Variants in RBFOX1 observed in about 807,000 individuals in gnomAD.
RBFOX1 encodes the protein RNA binding protein fox-1 homolog 1.
Under a neutral mutation model 57.7 loss-of-function variants are expected in RBFOX1, and 8 were observed. The observed-to-expected ratio is 0.14, with a 90% CI of 0.08 to 0.25. The LOEUF (loss-of-function observed/expected upper bound fraction) is 0.25, where lower values mean the gene tolerates loss of function less well. Among genes scored for constraint, RBFOX1 ranks in the 10% least tolerant of loss-of-function variants. The pLI is 1.00. For missense variants in RBFOX1, 611 were observed against 548.5 expected, an observed-to-expected ratio of 1.11 and a Z score of -1.14; for synonymous variants, 326 against 222.4, an observed-to-expected ratio of 1.47 and a Z score of -4.15.
At chr16:6,993,915 T>C (rs1007863375) in intron 3 of RBFOX1, among the ~76,000 whole-genome samples, 4 of 152,148 alleles carry the variant, frequency 2.6e-5, no homozygotes, top group Admixed American at 1.3e-4. Context: ...ATTGTATTGA[T>C]TGTAGCCAAT....
rs192787792 is a variant in RBFOX1, at chr16:6,841,789, C to A, written c.-16+187139C>A. On this transcript the variant is annotated intron_variant, in intron 3 of 15. Transcript: ENST00000550418. ...CAGCTTAAGGGTTCCATTCTCAAGC[C>A]AGTGAACATCACTGTCTTCATGTGA... 3.4e-3 allele frequency among the ~76,000 whole-genome samples: 517 copies of A among 152,198 alleles called. 5 individuals are homozygous for A. Among genetic ancestry groups the A allele is most frequent in the African/African-American group, 0.012 (493 of 41,514 alleles).
At chr16:5,378,937 A>C (rs1380519588) in intron 1 of RBFOX1, among the ~76,000 whole-genome samples, 1 of 151,616 alleles carries the variant, frequency 6.6e-6, no homozygotes, top group African/African-American at 2.4e-5. Context: ...TTCTCCACTG[A>C]AAACCATTCC....
At chr16:7,422,031 C>T (rs2098547683) in intron 4 of RBFOX1, among the ~76,000 whole-genome samples, 1 of 152,082 alleles carries the variant, frequency 6.6e-6, no homozygotes, top group Non-Finnish European at 1.5e-5. Flanking sequence ...ATAAAGGAAA[C>T]ACAGTCTCAG....
At chr16:6,541,762 G>T (rs954039615) in intron 2 of RBFOX1, among the ~76,000 whole-genome samples, 1 of 152,130 alleles carries the variant, frequency 6.6e-6, no homozygotes, top group Non-Finnish European at 1.5e-5. Flanking sequence ...ATAGAGGAAG[G>T]ATACTGGACA....
At chr16:6,832,427 T>C (rs1379392215) in intron 3 of RBFOX1, among the ~76,000 whole-genome samples, 1 of 152,194 alleles carries the variant, frequency 6.6e-6, no homozygotes, top group Admixed American at 6.5e-5. Context: ...TCTGCATTAC[T>C]CATATTTGCG....
At chr16:6,807,912 G>A (rs962947312) in intron 3 of RBFOX1, among the ~76,000 whole-genome samples, 6 of 134,704 alleles carry the variant, frequency 4.5e-5, no homozygotes, top group African/African-American at 1.6e-4. Flanking sequence ...GTGTGTGTGT[G>A]TGTATATATA....
intron 3 of RBFOX1, among the ~76,000 whole-genome samples, chr16:6,672,015 C>T (rs1328791662): frequency 6.6e-6 from 1 of 152,176 alleles, no homozygotes; most frequent in Admixed American, 6.5e-5. Flanking sequence ...TTAACTTATG[C>T]ACTGTACCAA....
intron 2 of RBFOX1, among the ~76,000 whole-genome samples, chr16:6,467,590 T>A (rs1177725603): frequency 6.6e-6 from 1 of 152,118 alleles, no homozygotes; most frequent in Non-Finnish European, 1.5e-5. Context: ...TCCAAGCTTT[T>A]GGAGGAAAAA....
chr16:7,605,558 T>C (rs1219640943), intron 9 of RBFOX1, among the ~76,000 whole-genome samples: 1 of 152,210 alleles, frequency 6.6e-6, no homozygotes, highest in Non-Finnish European at 1.5e-5. Flanking sequence ...GTTCTGGATT[T>C]CGATAGACAT....
At chr16:5,437,978 C>A (rs1441063114) in intron 1 of RBFOX1, among the ~76,000 whole-genome samples, 1 of 152,110 alleles carries the variant, frequency 6.6e-6, no homozygotes, top group Non-Finnish European at 1.5e-5. Flanking sequence ...AAGGATCTGA[C>A]CATGTCTCTG....
chr16:5,620,388 G>C (rs1039458179), intron 3 of RBFOX1, among the ~76,000 whole-genome samples: 2 of 152,292 alleles, frequency 1.3e-5, no homozygotes, highest in Middle Eastern at 3.4e-3. Context: ...GGTTGGCTGA[G>C]TACTTTCTGT....
chr16:6,610,952 T>C (rs931566883), intron 2 of RBFOX1, among the ~76,000 whole-genome samples: 4 of 152,200 alleles, frequency 2.6e-5, no homozygotes, highest in Admixed American at 6.5e-5. Context: ...GATCATAATA[T>C]ACAATCTGCA....
At chr16:6,375,283 G>A (rs1368406766) in intron 2 of RBFOX1, among the ~76,000 whole-genome samples, 2 of 147,774 alleles carry the variant, frequency 1.4e-5, no homozygotes, top group African/African-American at 5.4e-5. Flanking sequence ...TTTTGCCAGA[G>A]TGGGGAAAAA....
intron 4 of RBFOX1, among the ~76,000 whole-genome samples, chr16:7,344,512 TGATTA>T (rs963774324): frequency 6.6e-6 from 1 of 150,970 alleles, no homozygotes; most frequent in African/African-American, 2.4e-5. Context: ...TTATATATAA[TGATTA>T]GATGACACAT....
intron 1 of RBFOX1, among the ~76,000 whole-genome samples, chr16:6,113,803 A>G (rs150776399): frequency 6.6e-6 from 1 of 152,236 alleles, no homozygotes; most frequent in African/African-American, 2.4e-5. Flanking sequence ...TGAAGGCGTC[A>G]GACAGGCCGT....
In RBFOX1 at chr16:7,062,892, C is replaced by CTTTTTT. The variant is rs1491558284; in HGVS notation, c.27+10794_27+10795insTTTTTT. Among the ~76,000 whole-genome samples, 166 of 59,938 alleles carry CTTTTTT rather than the reference C, an allele frequency of 2.8e-3. 43 individuals are homozygous for CTTTTTT. The highest frequency in any genetic ancestry group is 3.3e-3 in the Non-Finnish European group (100 of 30,258). 39.3% of individuals were successfully genotyped at this position (59,938 alleles called of 152,430 possible). On this transcript the variant is annotated intron_variant, in intron 4 of 15. Coordinates refer to ENST00000550418, the MANE Select transcript of RBFOX1 (RefSeq NM_018723.4). ...TACCTCATCTCATTCAAATGATCGC[C>CTTTTTT]ATTTTTTTTTTTTTTTTTTTTTTTT...
At chr16:7,018,795 A>AG (rs2094048982) in intron 3 of RBFOX1, among the ~76,000 whole-genome samples, 1 of 151,020 alleles carries the variant, frequency 6.6e-6, no homozygotes, top group South Asian at 2.1e-4. Flanking sequence ...ATTAAAAAAA[A>AG]AAAAGAAGAA....
intron 3 of RBFOX1, among the ~76,000 whole-genome samples, chr16:5,758,900 G>C (rs571431111): frequency 1.3e-5 from 2 of 152,292 alleles, no homozygotes; most frequent in African/African-American, 4.8e-5. Flanking sequence ...ACATGAACTT[G>C]ACTCCACTTA....
At chr16:5,667,193 C>G (rs536848464) in intron 3 of RBFOX1, among the ~76,000 whole-genome samples, 251 of 152,158 alleles carry the variant, frequency 1.6e-3, no homozygotes, top group Non-Finnish European at 2.9e-3. Context: ...TTTGTTTTCT[C>G]TTTATTATGT....
Sources: gnomAD v4.1 joint callset for allele counts (sites outside exome capture counted in the v4.1 genomes callset) on GRCh38, gnomAD v4.1.1 for gene constraint, MANE v1.5 for transcripts, NCBI Gene and HGNC (gene_info 2026-07-23, HGNC 2026-07-21) for gene names.